Variants in ANK2 observed in about 807,000 individuals in gnomAD.
The protein encoded by ANK2 is ankyrin 2.
ANK2 carries 83 observed loss-of-function variants against 360.5 expected under a neutral mutation model. The ratio of observed to expected loss-of-function variants is 0.23; its 90% CI spans 0.19 to 0.28. ANK2 has a LOEUF of 0.28. Ranked by LOEUF, ANK2 falls within the 10% of genes least tolerant of loss-of-function variation. The pLI, the probability that ANK2 is intolerant of heterozygous loss-of-function variation, is 1.00. For missense variants in ANK2, 4,201 were observed against 4,795.7 expected, an observed-to-expected ratio of 0.88 and a Z score of 3.66; for synonymous variants, 1,740 against 1,759.5, an observed-to-expected ratio of 0.99 and a Z score of 0.28.
At chr4:113,027,396 A>G (rs1024016215) in intron 2 of ANK2, among the ~76,000 whole-genome samples, 1 of 152,112 alleles carries the variant, frequency 6.6e-6, no homozygotes, top group African/African-American at 2.4e-5. Flanking sequence ...TTATGCTTCA[A>G]TAAAGTTACT....
chr4:112,802,093 C>G, the ANK2 span, among the ~76,000 whole-genome samples: 1 of 151,940 alleles, frequency 6.6e-6, no homozygotes, highest in African/African-American at 2.4e-5. Context: ...GGTTTGGCTA[C>G]TAGGTGAGAT....
intron 4 of ANK2, among the ~76,000 whole-genome samples, chr4:113,223,918 C>A (rs1015440057): frequency 3.9e-5 from 6 of 152,286 alleles, no homozygotes; most frequent in Middle Eastern, 3.4e-3. Context: ...GGATTCCGTC[C>A]AAAGCTGATT....
chr4:113,165,325 G>C (rs897554108), intron 1 of ANK2, among the ~76,000 whole-genome samples: 1 of 152,126 alleles, frequency 6.6e-6, no homozygotes, highest in African/African-American at 2.4e-5. Flanking sequence ...GATGCTGTGG[G>C]TATTATTAAA....
At chr4:113,278,126 C>CTG (rs1388177439) in intron 16 of ANK2, among the ~76,000 whole-genome samples, 191 bp downstream of exon 16, 1 of 152,180 alleles carries the variant, frequency 6.6e-6, no homozygotes, top group African/African-American at 2.4e-5. Flanking sequence ...GCATTTTGAG[C>CTG]TGTGCCTCAA....
chr4:113,363,782 C>T (rs2096374581), intron 40 of ANK2, among the ~76,000 whole-genome samples: 1 of 152,172 alleles, frequency 6.6e-6, no homozygotes, highest in Non-Finnish European at 1.5e-5. Context: ...GGTGTTTCTA[C>T]ATTATCCCAT....
At chr4:113,379,289 A>G (rs1237421108) in intron 45 of ANK2, among the ~76,000 whole-genome samples, 1 of 152,246 alleles carries the variant, frequency 6.6e-6, no homozygotes, top group Non-Finnish European at 1.5e-5. Context: ...AGATTTAGAG[A>G]TCAATTAATC....
the ANK2 span, among the ~76,000 whole-genome samples, chr4:112,773,142 A>G: frequency 1.3e-5 from 2 of 151,956 alleles, no homozygotes; most frequent in African/African-American, 4.8e-5. Flanking sequence ...ACATGGCAAA[A>G]CCCCATCTCT....
At chr4:113,062,578 G>T (rs1030839979) in intron 1 of ANK2, among the ~76,000 whole-genome samples, 11 of 151,998 alleles carry the variant, frequency 7.2e-5, no homozygotes, top group Non-Finnish European at 1.6e-4. Flanking sequence ...GTAGGTAGAG[G>T]TTATTATATA....
chr4:112,762,806 G>A, the ANK2 span, among the ~76,000 whole-genome samples: 1 of 152,208 alleles, frequency 6.6e-6, no homozygotes, highest in Admixed American at 6.5e-5. Context: ...CACTGCGCCC[G>A]GCTTCGAAAT....
intron 1 of ANK2, among the ~76,000 whole-genome samples, chr4:112,900,852 A>G (rs184517551): frequency 2.0e-5 from 3 of 152,302 alleles, no homozygotes; most frequent in East Asian, 3.9e-4. Context: ...AAAAGCAACT[A>G]TGTGTAAGAC....
intron 1 of ANK2, among the ~76,000 whole-genome samples, chr4:113,061,312 G>A (rs1022923129): frequency 4.6e-5 from 7 of 151,980 alleles, no homozygotes; most frequent in African/African-American, 1.7e-4. Flanking sequence ...ATTACTGTTG[G>A]AATAATTTTC....
chr4:113,204,642 A>G (rs1049684518), intron 4 of ANK2, among the ~76,000 whole-genome samples: 8 of 152,206 alleles, frequency 5.3e-5, no homozygotes. Context: ...AAGTCTCATA[A>G]CAATTAGTGA....
intron 1 of ANK2, among the ~76,000 whole-genome samples, chr4:113,172,071 A>G (rs1303149013): frequency 6.6e-6 from 1 of 152,214 alleles, no homozygotes. Flanking sequence ...TGGCTTCTTA[A>G]TGCAAAGCAT....
the ANK2 span, chr4:112,788,569 G>A: frequency 3.2e-6 from 5 of 1,585,964 alleles, no homozygotes; most frequent in African/African-American, 6.7e-5. Flanking sequence ...TTTGTCTCTG[G>A]TCTGTACTTG....
intron 1 of ANK2, among the ~76,000 whole-genome samples, chr4:113,055,234 AT>A: frequency 6.6e-6 from 1 of 152,152 alleles, no homozygotes; most frequent in East Asian, 1.9e-4. Context: ...ATCTAAAAAA[AT>A]AAATAAAAAT....
intron 1 of ANK2, among the ~76,000 whole-genome samples, chr4:113,055,319 C>T (rs1414174329): frequency 6.6e-6 from 1 of 152,056 alleles, no homozygotes; most frequent in Non-Finnish European, 1.5e-5. Context: ...ACCCAACCCC[C>T]GAGGGTGAGG....
chr4:113,211,898 A>AT (rs35039240), intron 4 of ANK2, among the ~76,000 whole-genome samples: 22,435 of 151,876 alleles, frequency 0.15, 1,751 homozygotes, highest in East Asian at 0.26. Context: ...TCTCAGAAGT[A>AT]TTTTTTTTGT....
At chr4:113,170,578 G>A (rs541515947) in intron 1 of ANK2, among the ~76,000 whole-genome samples, 5 of 152,104 alleles carry the variant, frequency 3.3e-5, no homozygotes, top group East Asian at 1.9e-4. Flanking sequence ...TTATTGAAAC[G>A]TAAGCACAGA....
chr4:112,986,256 A>G (rs2044836793), intron 2 of ANK2, among the ~76,000 whole-genome samples: 1 of 151,916 alleles, frequency 6.6e-6, no homozygotes, highest in Non-Finnish European at 1.5e-5. Context: ...CTAGTTGAGT[A>G]TGTCATTTCT....
Sources: gnomAD v4.1 joint callset for allele counts (sites outside exome capture counted in the v4.1 genomes callset) on GRCh38, gnomAD v4.1.1 for gene constraint, MANE v1.5 for transcripts, NCBI Gene and HGNC (gene_info 2026-07-23, HGNC 2026-07-21) for gene names.